Variants in MGST1 observed in about 807,000 individuals in gnomAD.
The protein encoded by MGST1 is microsomal glutathione S-transferase 1.
MGST1 carries 5 observed loss-of-function variants against 8.9 expected under a neutral mutation model. That is an observed-to-expected ratio of 0.56 (90% CI 0.29 to 1.19). The LOEUF (loss-of-function observed/expected upper bound fraction) is 1.19, where lower values mean the gene tolerates loss of function less well. Among genes scored for constraint, MGST1 ranks in the 50% most tolerant of loss-of-function variants. The pLI is 0.08. For missense variants in MGST1, 182 were observed against 187.4 expected, an observed-to-expected ratio of 0.97 and a Z score of 0.17; for synonymous variants, 54 against 67.8, an observed-to-expected ratio of 0.80 and a Z score of 1.00.
At chr12:16,476,505 A>G (rs1175314091) in intron 4 of MGST1, among the ~76,000 whole-genome samples, 2 of 152,214 alleles carry the variant, frequency 1.3e-5, no homozygotes, top group East Asian at 1.9e-4. Flanking sequence ...CTGGATAAAC[A>G]AAGATGACCA....
chr12:16,421,333 A>G (rs1437428114), intron 1 of MGST1, among the ~76,000 whole-genome samples: 2 of 152,106 alleles, frequency 1.3e-5, no homozygotes, highest in Non-Finnish European at 2.9e-5. Flanking sequence ...GCCTGATGTA[A>G]CCCAGTAACA....
At chr12:16,516,937 C>T (rs1025463173) in intron 4 of MGST1, among the ~76,000 whole-genome samples, 3 of 152,054 alleles carry the variant, frequency 2.0e-5, no homozygotes, top group Admixed American at 6.5e-5. Context: ...AGCGAGTGTG[C>T]CTATTCTCTG....
chr12:16,398,246 T>A (rs1940623213), intron 1 of MGST1, among the ~76,000 whole-genome samples: 2 of 152,138 alleles, frequency 1.3e-5, no homozygotes, highest in African/African-American at 4.8e-5. Flanking sequence ...GGAACTGCAG[T>A]GGGACAGGTG....
chr12:16,559,904 G>A lies in MGST1; in HGVS notation n.483-29624G>A, dbSNP rs1942328666. ...TTGAGCACAGAAGTTGAGGCTGCATGAGCCATGTTAGTGCCACTGCGCTCT... is the reference window on the plus strand; with the variant it reads ...TTGAGCACAGAAGTTGAGGCTGCATAAGCCATGTTAGTGCCACTGCGCTCT... On this transcript the variant is annotated intron_variant and non_coding_transcript_variant, in intron 4 of 4. Transcript: ENST00000538857. This position sits in a 1 kb window ranked among gnomAD's most constrained non-coding sequence, Gnocchi z 4.1. 6.6e-6 allele frequency among the ~76,000 whole-genome samples: 1 copy of A among 152,040 alleles called. No individual in the cohort carries two copies. The highest frequency in any genetic ancestry group is 6.6e-5 in the Admixed American group (1 of 15,244).
At chr12:16,428,200 A>T (rs1431378548) in intron 1 of MGST1, among the ~76,000 whole-genome samples, 1 of 151,864 alleles carries the variant, frequency 6.6e-6, no homozygotes, top group Non-Finnish European at 1.5e-5. Context: ...ATTATTTTTT[A>T]GCTGACTTAA....
chr12:16,551,106 G>A (rs1472231709), intron 4 of MGST1: 8 of 675,832 alleles, frequency 1.2e-5, no homozygotes, highest in Non-Finnish European at 1.8e-5. Flanking sequence ...TAACCATCCT[G>A]CCTTCCTATA....
rs1261906530 is a variant in MGST1, at chr12:16,586,014, T to A, written n.483-3514T>A. Among the ~76,000 whole-genome samples, 1 of 152,160 alleles carries A rather than the reference T, an allele frequency of 6.6e-6. No individual in the cohort carries two copies. The highest frequency in any genetic ancestry group is 2.4e-5 in the African/African-American group (1 of 41,444). ...CCCAATAGCATCCTTAGGACACTGA[T>A]GTTTTTGCAGCTGTTAATGAAAATC... is the stretch of plus-strand genomic sequence containing the variant. On this transcript the variant is annotated intron_variant and non_coding_transcript_variant, in intron 4 of 4. Coordinates refer to the MGST1 transcript ENST00000538857. This position sits in a 1 kb window ranked among gnomAD's most constrained non-coding sequence, Gnocchi z 4.3.
intron 1 of MGST1, among the ~76,000 whole-genome samples, chr12:16,407,126 A>G (rs1411808968): frequency 6.6e-6 from 1 of 152,194 alleles, no homozygotes; most frequent in Non-Finnish European, 1.5e-5. Flanking sequence ...AAGAGACGAG[A>G]CAACCTACAG....
intron 4 of MGST1, among the ~76,000 whole-genome samples, chr12:16,491,736 T>C (rs1941440002): frequency 6.6e-6 from 1 of 152,222 alleles, no homozygotes; most frequent in Admixed American, 6.5e-5. Flanking sequence ...TGTTTAGCTA[T>C]ATTCTTTCTA....
In MGST1 at chr12:16,408,270, G is replaced by T. The variant is rs77932458; in HGVS notation, n.778+24666G>T. The stretch of plus-strand genomic sequence containing the variant: ...AGCAAAAAAACAATAATAACTTTTG[G>T]GTATTAGACTTAGTACCTGGGTGAC... On this transcript the variant is annotated intron_variant and non_coding_transcript_variant, in intron 1 of 1. Coordinates refer to the MGST1 transcript ENST00000359720. 6.4e-3 allele frequency among the ~76,000 whole-genome samples: 980 copies of T among 151,962 alleles called. 10 individuals are homozygous for T. The highest frequency in any genetic ancestry group is 0.03 in the South Asian group (145 of 4,812).
intron 1 of MGST1, among the ~76,000 whole-genome samples, chr12:16,416,538 G>T (rs1940789118): frequency 6.6e-6 from 1 of 152,082 alleles, no homozygotes; most frequent in African/African-American, 2.4e-5. Flanking sequence ...TTACGTGGCA[G>T]GGTGAGGGGG....
chr12:16,486,138 T>A (rs1941397892), intron 4 of MGST1, among the ~76,000 whole-genome samples: 1 of 152,206 alleles, frequency 6.6e-6, no homozygotes, highest in Admixed American at 6.5e-5. Flanking sequence ...GATCCTCTGA[T>A]ACAAAATTAC....
intron 4 of MGST1, among the ~76,000 whole-genome samples, chr12:16,538,570 G>A (rs1941771388): frequency 6.6e-6 from 1 of 151,884 alleles, no homozygotes; most frequent in African/African-American, 2.4e-5. Context: ...ATATGGCTGG[G>A]GAGGCTTCAG....
intron 3 of MGST1, among the ~76,000 whole-genome samples, chr12:16,357,938 A>T (rs775624326): frequency 2.0e-5 from 3 of 152,202 alleles, no homozygotes; most frequent in African/African-American, 7.2e-5. Context: ...GTTGCTGTAT[A>T]TAGGGATGTA....
intron 4 of MGST1, among the ~76,000 whole-genome samples, chr12:16,456,251 C>A (rs183558079): frequency 3.3e-5 from 5 of 151,810 alleles, no homozygotes; most frequent in African/African-American, 9.6e-5. Context: ...TGGAGAAAGT[C>A]GATAGCTAAT....
chr12:16,528,090 T>C (rs1166618930), intron 4 of MGST1, among the ~76,000 whole-genome samples: 1 of 152,040 alleles, frequency 6.6e-6, no homozygotes, highest in African/African-American at 2.4e-5. Flanking sequence ...TACTTTTGAA[T>C]GAGCAGGTGC....
chr12:16,379,238 G>T (rs886353179), downstream of MGST1, among the ~76,000 whole-genome samples: 5 of 152,150 alleles, frequency 3.3e-5, no homozygotes, highest in African/African-American at 1.2e-4. Context: ...TTTTCAAAGG[G>T]AATGCTTCCA....
chr12:16,583,324 A>T (rs555299611), intron 4 of MGST1, among the ~76,000 whole-genome samples: 1 of 152,146 alleles, frequency 6.6e-6, no homozygotes, highest in Non-Finnish European at 1.5e-5. Context: ...TTTTAAAAAA[A>T]TTAGACAATA....
At chr12:16,370,989 C>G (rs1480934556) in intron 3 of MGST1, among the ~76,000 whole-genome samples, 1 of 152,044 alleles carries the variant, frequency 6.6e-6, no homozygotes, top group African/African-American at 2.4e-5. Flanking sequence ...CTCTGAATCA[C>G]CAATGTGATG....
Sources: allele counts gnomAD v4.1 joint callset (sites outside exome capture counted in the v4.1 genomes callset), GRCh38; gene constraint gnomAD v4.1.1; non-coding constraint Gnocchi (gnomAD v3.1); transcripts MANE v1.5; gene names NCBI Gene and HGNC (gene_info 2026-07-23, HGNC 2026-07-21).